ANKFN1: variants seen among roughly 807,000 people sequenced by gnomAD.
ANKFN1 encodes the protein ankyrin repeat and fibronectin type III domain containing 1, also known as ankyrin repeat and fibronectin type-III domain-containing protein 1.
In ANKFN1, 74 loss-of-function variants were observed where a neutral mutation model predicts 108.7. The observed-to-expected ratio is 0.68, with a 90% CI of 0.56 to 0.83. The LOEUF is 0.83. Among genes scored for constraint, ANKFN1 ranks in the 40% least tolerant of loss-of-function variants. ANKFN1 has a pLI of 0.00. For missense variants in ANKFN1, 1,505 were observed against 1,382.3 expected (o/e 1.09, Z -1.41); for synonymous variants, 547 against 516.2 (o/e 1.06, Z -0.81).
At chr17:56,475,852 G>A (rs1311919605) in intron 15 of ANKFN1, among the ~76,000 whole-genome samples, 2 of 152,138 alleles carry the variant, frequency 1.3e-5, no homozygotes, top group Non-Finnish European at 2.9e-5. Context: ...TATACTAAGT[G>A]TATTAGTCCA....
At chr17:56,249,787 G>A (rs982468619) in intron 3 of ANKFN1, among the ~76,000 whole-genome samples, 2 of 152,130 alleles carry the variant, frequency 1.3e-5, no homozygotes, top group Non-Finnish European at 2.9e-5. Context: ...GTTCAGTGCT[G>A]TGGATCTGTT....
chr17:56,299,613 G>A (rs1274121523), intron 3 of ANKFN1, among the ~76,000 whole-genome samples: 5 of 152,140 alleles, frequency 3.3e-5, no homozygotes, highest in Non-Finnish European at 7.3e-5. Context: ...TTGAATCACA[G>A]ATCTGTTCTT....
At chr17:56,239,197 G>GA (rs371781491) in intron 3 of ANKFN1, among the ~76,000 whole-genome samples, 38 of 152,180 alleles carry the variant, frequency 2.5e-4, no homozygotes, top group African/African-American at 7.9e-4. Context: ...TCCACAAATA[G>GA]AAAAAAATGT....
intron 8 of ANKFN1, among the ~76,000 whole-genome samples, chr17:56,423,973 T>C (rs1258791820): frequency 2.6e-5 from 4 of 152,216 alleles, no homozygotes; most frequent in Admixed American, 6.5e-5. Flanking sequence ...GTTTTTAAAC[T>C]GGAAAGTGTC....
At chr17:56,115,075 A>G (rs1906182723) in intron 4 of ANKFN1, among the ~76,000 whole-genome samples, 2 of 152,222 alleles carry the variant, frequency 1.3e-5, no homozygotes, top group African/African-American at 2.4e-5. Context: ...TAGGTTTTGT[A>G]TTGTTTTAAG....
chr17:56,281,704 C>T (rs1002322335), intron 3 of ANKFN1, among the ~76,000 whole-genome samples: 1 of 152,266 alleles, frequency 6.6e-6, no homozygotes, highest in East Asian at 1.9e-4. Context: ...AAACACTTCA[C>T]AGAAGATATA....
At chr17:56,112,924 A>G (rs897120900) in intron 4 of ANKFN1, among the ~76,000 whole-genome samples, 21 of 152,184 alleles carry the variant, frequency 1.4e-4, no homozygotes, top group African/African-American at 4.6e-4. Flanking sequence ...TGTGCATGTA[A>G]TTGATGTGTG....
rs138536925 is a variant in ANKFN1 at position 56,194,079 on chromosome 17, G to A, written c.-70-18519G>A. On this transcript the variant is annotated intron_variant, in intron 1 of 20. Transcript: ENST00000682825. ...AAAATTAAAGCAATGATATACCACTGTACACCTATTTAGAATGGCCAAAAT... is the reference window on the plus strand; with the variant it reads ...AAAATTAAAGCAATGATATACCACTATACACCTATTTAGAATGGCCAAAAT... Among the ~76,000 whole-genome samples, 264 of 152,284 alleles carry A rather than the reference G, an allele frequency of 1.7e-3. 3 individuals carry two copies. The highest frequency in any genetic ancestry group is 6.1e-3 in the African/African-American group (254 of 41,548).
intron 4 of ANKFN1, among the ~76,000 whole-genome samples, chr17:56,054,294 C>T (rs1288652032): frequency 6.6e-6 from 1 of 152,038 alleles, no homozygotes; most frequent in Non-Finnish European, 1.5e-5. Context: ...TTATTTAATC[C>T]TCACAACAGC....
At chr17:56,311,211 C>T (rs2045015785) in intron 3 of ANKFN1, among the ~76,000 whole-genome samples, 1 of 152,110 alleles carries the variant, frequency 6.6e-6, no homozygotes, top group South Asian at 2.1e-4. Flanking sequence ...ATCCATTACT[C>T]ACTGTTCATG....
intron 1 of ANKFN1, among the ~76,000 whole-genome samples, chr17:56,201,714 A>G (rs1344686408): frequency 6.6e-6 from 1 of 152,080 alleles, no homozygotes; most frequent in African/African-American, 2.4e-5. Flanking sequence ...AATTCTCTAT[A>G]TATCTGTAAT....
At chr17:56,179,945 A>G (rs181652400) in intron 1 of ANKFN1, among the ~76,000 whole-genome samples, 1 of 152,292 alleles carries the variant, frequency 6.6e-6, no homozygotes, top group East Asian at 1.9e-4. Flanking sequence ...GATTGAGCTC[A>G]TCTCATAGCT....
intron 3 of ANKFN1, among the ~76,000 whole-genome samples, chr17:56,283,317 C>G (rs1397719629): frequency 6.6e-6 from 1 of 152,020 alleles, no homozygotes; most frequent in African/African-American, 2.4e-5. Flanking sequence ...CTGTGGAAAA[C>G]AGTGTAGAGA....
At chr17:56,092,315 G>C (rs1244197237) in intron 4 of ANKFN1, among the ~76,000 whole-genome samples, 3 of 140,248 alleles carry the variant, frequency 2.1e-5, no homozygotes, top group Admixed American at 2.1e-4. Context: ...TGTCACCCAG[G>C]CTGGAGTGCA....
chr17:56,444,500 T>C (rs935787280), intron 10 of ANKFN1, among the ~76,000 whole-genome samples: 1 of 152,210 alleles, frequency 6.6e-6, no homozygotes, highest in African/African-American at 2.4e-5. Flanking sequence ...TCACATTCAG[T>C]ATCTCTTAAT....
chr17:56,494,338 G>A (rs2051129067), intron 19 of ANKFN1, among the ~76,000 whole-genome samples: 1 of 152,104 alleles, frequency 6.6e-6, no homozygotes, highest in African/African-American at 2.4e-5. Flanking sequence ...AGTAAAAATG[G>A]AACACAGATG....
Position 56,491,796 on chromosome 17 carries a change from A to G in ANKFN1, c.2261-391A>G, listed in dbSNP as rs1003946813. On this transcript the variant is annotated intron_variant, in intron 18 of 20. Transcript: ENST00000682825. Reference sequence around the variant, plus strand: ...GTACTGGAAATCAGACATGAAAACCAAAACTAGGTTTCAAATTGCTACTTG... The same window carrying G: ...GTACTGGAAATCAGACATGAAAACCGAAACTAGGTTTCAAATTGCTACTTG... 2.0e-5 allele frequency among the ~76,000 whole-genome samples: 3 copies of G among 152,322 alleles called. No homozygotes were observed. In the South Asian group the frequency reaches 6.2e-4, roughly 32 times the overall value.
intron 1 of ANKFN1, among the ~76,000 whole-genome samples, chr17:56,188,994 A>G (rs888837380): frequency 1.4e-4 from 21 of 151,916 alleles, no homozygotes; most frequent in African/African-American, 4.8e-4. Context: ...CCTGAACTAC[A>G]GCTTCTGGGT....
At chr17:56,170,078 G>T (rs376215347) in intron 1 of ANKFN1, among the ~76,000 whole-genome samples, 6 of 152,182 alleles carry the variant, frequency 3.9e-5, no homozygotes, top group Admixed American at 3.9e-4. Context: ...AGTGTCCCTT[G>T]TTCTAAGACT....
Sources: gnomAD v4.1 joint callset for allele counts (sites outside exome capture counted in the v4.1 genomes callset) on GRCh38, gnomAD v4.1.1 for gene constraint, MANE v1.5 for transcripts, NCBI Gene and HGNC (gene_info 2026-07-23, HGNC 2026-07-21) for gene names.